Variants in RFPL1 observed in about 807,000 individuals in gnomAD.
The protein encoded by RFPL1 is ret finger protein like 1, also known as ret finger protein-like 1.
RFPL1 carries 6 observed loss-of-function variants against 9.6 expected under a neutral mutation model. The observed-to-expected ratio is 0.62, with a 90% CI of 0.34 to 1.23. The LOEUF (loss-of-function observed/expected upper bound fraction) is 1.23. Ranked by LOEUF, RFPL1 falls within the 50% of genes most tolerant of loss-of-function variation. The probability of loss-of-function intolerance (pLI) is 0.03; values close to 1 mark genes in which losing one functional copy is unlikely to be tolerated. For missense variants in RFPL1, 352 were observed against 398.4 expected (o/e 0.88, Z 0.99); for synonymous variants, 145 against 149.4 (o/e 0.97, Z 0.22).
chr22:29,410,442 A>C, the RFPL1 span, among the ~76,000 whole-genome samples: 3 of 100,002 alleles, frequency 3.0e-5, 1 homozygote, highest in African/African-American at 1.3e-4. Flanking sequence ...AGATATATAT[A>C]TCTATATATA....
At chr22:29,405,612 AG>A in the RFPL1 span, among the ~76,000 whole-genome samples, 1 of 152,216 alleles carries the variant, frequency 6.6e-6, no homozygotes, top group African/African-American at 2.4e-5. Context: ...TTCAGGGTCC[AG>A]GGCATGATCT....
At chr22:29,416,853 G>A in the RFPL1 span, among the ~76,000 whole-genome samples, 15 of 152,330 alleles carry the variant, frequency 9.8e-5, no homozygotes, top group Admixed American at 3.9e-4. Context: ...CCAGGTCTGA[G>A]AACAAGGTCC....
At chr22:29,429,697 A>T in the RFPL1 span, among the ~76,000 whole-genome samples, 2 of 152,252 alleles carry the variant, frequency 1.3e-5, no homozygotes, top group Admixed American at 6.5e-5. Flanking sequence ...TACTGGCCTT[A>T]CTTGTAAATG....
chr22:29,428,514 A>G, the RFPL1 span, among the ~76,000 whole-genome samples: 1 of 152,230 alleles, frequency 6.6e-6, no homozygotes, highest in Admixed American at 6.5e-5. Flanking sequence ...GGCTAAGTAG[A>G]GCTAACAGAT....
chr22:29,425,334 C>G, the RFPL1 span, among the ~76,000 whole-genome samples: 1 of 152,118 alleles, frequency 6.6e-6, no homozygotes, highest in Non-Finnish European at 1.5e-5. Context: ...GTAAACCTTT[C>G]TGTTTAAGAA....
the RFPL1 span, among the ~76,000 whole-genome samples, chr22:29,408,980 A>G: frequency 6.6e-6 from 1 of 152,066 alleles, no homozygotes; most frequent in Non-Finnish European, 1.5e-5. Context: ...TTGCCAACAG[A>G]ACCCAGCATG....
intron 1 of RFPL1, chr22:29,439,858 C>T (rs2062829628): frequency 2.0e-5 from 3 of 152,380 alleles, no homozygotes; most frequent in African/African-American, 7.2e-5. Context: ...TTAAATGGGC[C>T]TGGTAATTCT....
At position 29,442,079 on chromosome 22, in the gene RFPL1, C is replaced by T. The variant is rs146080368; in HGVS notation, c.911C>T (p.Pro304Leu). 1.1e-3 allele frequency: 1,823 copies of T among 1,598,694 alleles called. 1 individual carries two copies. The highest frequency in any genetic ancestry group is 1.5e-3 in the Non-Finnish European group (1,714 of 1,169,678). ...TTGAGTATCTGTCCTGTGATAAACC[C>T]GGGCACTACTGATGCTCCAGTCCAT... The change falls in exon 2 of 2, where the codon CCG becomes CTG. Residue 304 changes from proline (P) to leucine (L), a missense_variant. Transcript: ENST00000354373.
the RFPL1 span, among the ~76,000 whole-genome samples, chr22:29,432,273 T>G: frequency 5.3e-5 from 8 of 152,200 alleles, no homozygotes; most frequent in South Asian, 2.1e-4. Context: ...ATGTCCACAG[T>G]TCCCAGGAAT....
chr22:29,401,871 G>A, the RFPL1 span, among the ~76,000 whole-genome samples: 1 of 152,196 alleles, frequency 6.6e-6, no homozygotes, highest in African/African-American at 2.4e-5. Context: ...ATTCCAGGTT[G>A]ATTCACTGTC....
At chr22:29,414,486 G>A in the RFPL1 span, among the ~76,000 whole-genome samples, 14,695 of 152,088 alleles carry the variant, frequency 0.097, 716 homozygotes, top group African/African-American at 0.11. Flanking sequence ...GGTTCTGTAA[G>A]TACTTCAAGG....
At chr22:29,390,975 A>G in the RFPL1 span, among the ~76,000 whole-genome samples, 1 of 151,434 alleles carries the variant, frequency 6.6e-6, no homozygotes, top group African/African-American at 2.4e-5. Flanking sequence ...CCCCGTCTCT[A>G]CTAAAAAATA....
chr22:29,390,380 G>A, the RFPL1 span, among the ~76,000 whole-genome samples: 4 of 151,946 alleles, frequency 2.6e-5, no homozygotes, highest in Non-Finnish European at 5.9e-5. Context: ...TGTTTAAGCA[G>A]CCTCAAAGCC....
the RFPL1 span, among the ~76,000 whole-genome samples, chr22:29,424,594 A>G: frequency 6.6e-5 from 10 of 151,486 alleles, no homozygotes; most frequent in South Asian, 1.9e-3. Context: ...CTATCGATGA[A>G]GGAATTCTGC....
At chr22:29,413,681 T>G in the RFPL1 span, among the ~76,000 whole-genome samples, 1 of 152,244 alleles carries the variant, frequency 6.6e-6, no homozygotes, top group Admixed American at 6.5e-5. Context: ...TTATTCAACT[T>G]TTAATGTCTG....
chr22:29,388,453 G>A, the RFPL1 span: 3 of 152,328 alleles, frequency 2.0e-5, no homozygotes, highest in African/African-American at 7.2e-5. Flanking sequence ...CCGGCGCCCC[G>A]GCTCGGTTCG....
At chr22:29,397,553 A>AAAAG in the RFPL1 span, among the ~76,000 whole-genome samples, 1 of 148,626 alleles carries the variant, frequency 6.7e-6, no homozygotes, top group Non-Finnish European at 1.5e-5. Flanking sequence ...CAAACAGAAC[A>AAAAG]AAAGAAAACC....
upstream of RFPL1, chr22:29,436,405 G>A (rs174716): frequency 0.81 from 123,245 of 151,300 alleles, 50,441 homozygotes; most frequent in African/African-American, 0.88. Context: ...AGCCTGGCCA[G>A]AATGGTGAAA....
the RFPL1 span, among the ~76,000 whole-genome samples, chr22:29,401,203 G>A: frequency 1.3e-5 from 2 of 152,076 alleles, no homozygotes; most frequent in Non-Finnish European, 2.9e-5. Flanking sequence ...TTTATTTTAC[G>A]TGACACCTCA....
Sources: gnomAD v4.1 joint callset for allele counts (sites outside exome capture counted in the v4.1 genomes callset) on GRCh38, gnomAD v4.1.1 for gene constraint, MANE v1.5 for transcripts, NCBI Gene and HGNC (gene_info 2026-07-23, HGNC 2026-07-21) for gene names.